The following DLC1 variants were observed in gnomAD, a reference collection of about 807,000 sequenced individuals.
DLC1 encodes rho GTPase-activating protein 7.
In DLC1, 54 loss-of-function variants were observed where a neutral mutation model predicts 140.3. That is an observed-to-expected ratio of 0.38 (90% confidence interval 0.31 to 0.48). The LOEUF is 0.48. Ranked by LOEUF, DLC1 falls within the 20% of genes least tolerant of loss-of-function variation. The pLI, the probability that DLC1 is intolerant of heterozygous loss-of-function variation, is 0.96. For synonymous variants in DLC1, 986 were observed against 728.1 expected, an observed-to-expected ratio of 1.35 and a Z score of -5.70; for missense variants, 2,536 against 1,907.0, an observed-to-expected ratio of 1.33 and a Z score of -6.14.
At chr8:13,450,211 T>C (rs544188789) in intron 2 of DLC1, among the ~76,000 whole-genome samples, 1 of 151,046 alleles carries the variant, frequency 6.6e-6, no homozygotes, top group South Asian at 2.1e-4. Context: ...TCACAGCACT[T>C]TGGGGGGCTG....
chr8:13,517,724 G>A (rs1487213018), upstream of DLC1, among the ~76,000 whole-genome samples: 2 of 152,130 alleles, frequency 1.3e-5, no homozygotes, highest in Non-Finnish European at 2.9e-5. Flanking sequence ...ATCAAATAAG[G>A]GGACAGGGAC....
intron 2 of DLC1, among the ~76,000 whole-genome samples, chr8:13,452,213 A>G (rs1041740113): frequency 7.3e-5 from 11 of 151,204 alleles, no homozygotes; most frequent in African/African-American, 2.7e-4. Context: ...AATTATATAT[A>G]TCTTTATGAA....
intron 5 of DLC1, among the ~76,000 whole-genome samples, chr8:13,238,951 A>G (rs1208432228): frequency 6.6e-6 from 1 of 152,192 alleles, no homozygotes; most frequent in Admixed American, 6.5e-5. Flanking sequence ...GGGAAAGTGC[A>G]CAGTCCCTGG....
chr8:13,393,454 T>C, intron 4 of DLC1, 99 bp downstream of exon 4: 1 of 1,315,960 alleles, frequency 7.6e-7, no homozygotes, highest in South Asian at 1.6e-5. Flanking sequence ...ATGGCTAAGA[T>C]TCCAACAGTA....
chr8:13,506,318 C>CACAT (rs1237281782), intron 1 of DLC1, among the ~76,000 whole-genome samples: 15 of 151,536 alleles, frequency 9.9e-5, no homozygotes, highest in Non-Finnish European at 2.2e-4. Context: ...AATAAATGAA[C>CACAT]ACATGATTGA....
chr8:13,139,757 C>A (rs1333945937), intron 5 of DLC1, among the ~76,000 whole-genome samples: 1 of 152,254 alleles, frequency 6.6e-6, no homozygotes, highest in African/African-American at 2.4e-5. Flanking sequence ...TTACCAAGGA[C>A]AGCTCTGATT....
At chr8:13,579,318 TA>T (rs1804964012) in intron 1 of DLC1, among the ~76,000 whole-genome samples, 60 of 5,468 alleles carry the variant, frequency 0.011, 5 homozygotes, top group African/African-American at 0.03. Flanking sequence ...TCTGACTTTA[TA>T]TATATATATA....
intron 1 of DLC1, among the ~76,000 whole-genome samples, chr8:13,547,989 C>G (rs907682633): frequency 6.6e-6 from 1 of 151,970 alleles, no homozygotes; most frequent in Admixed American, 6.6e-5. Context: ...ACCTATAGTT[C>G]TACATGCATG....
chr8:13,276,225 C>T (rs1408378675), intron 5 of DLC1: 7 of 1,533,558 alleles, frequency 4.6e-6, no homozygotes, highest in African/African-American at 4.1e-5. Context: ...TTTTAATACC[C>T]CTCACCCCCG....
At position 13,094,996 on chromosome 8, in the gene DLC1, G is replaced by A. The variant is rs201289855; in HGVS notation, c.3328-39C>T. 120 of 1,613,890 alleles carry A rather than the reference G, an allele frequency of 7.4e-5. 1 individual carries two copies. The highest frequency in any genetic ancestry group is 4.3e-4 in the South Asian group (39 of 91,032). ...AACACTAAGTGTGGGGTACATTCAC[G>A]TGGACGCAGTGTTTACACCACACAA... On this transcript the variant is annotated intron_variant, in intron 11 of 17. Transcript: ENST00000276297.
chr8:13,320,915 C>G (rs1194312478), intron 4 of DLC1, among the ~76,000 whole-genome samples: 1 of 152,124 alleles, frequency 6.6e-6, no homozygotes, highest in African/African-American at 2.4e-5. Flanking sequence ...CTTTTGCTTC[C>G]TCTCAAGCCA....
At chr8:13,241,471 CT>C (rs1435045475) in intron 5 of DLC1, among the ~76,000 whole-genome samples, 1 of 151,930 alleles carries the variant, frequency 6.6e-6, no homozygotes, top group Non-Finnish European at 1.5e-5. Flanking sequence ...CCCCTTATAC[CT>C]TTTTTATGTG....
chr8:13,500,441 C>CCAT (rs1801761179), intron 1 of DLC1, among the ~76,000 whole-genome samples: 1 of 152,026 alleles, frequency 6.6e-6, no homozygotes, highest in Non-Finnish European at 1.5e-5. Flanking sequence ...TTGGATTGGT[C>CCAT]CATTAATGAA....
intron 5 of DLC1, among the ~76,000 whole-genome samples, chr8:13,160,851 C>A (rs566723209): frequency 2.8e-4 from 43 of 152,230 alleles, no homozygotes; most frequent in African/African-American, 9.9e-4. Context: ...TTTGGGAGGC[C>A]AAGGCGGGAG....
intron 1 of DLC1, among the ~76,000 whole-genome samples, chr8:13,542,226 G>A (rs527545120): frequency 1.1e-4 from 16 of 152,260 alleles, no homozygotes; most frequent in Admixed American, 5.9e-4. Context: ...TCTATTTAGA[G>A]ACTGTCTGTG....
At chr8:13,536,567 T>G (rs935723390) in intron 1 of DLC1, among the ~76,000 whole-genome samples, 2 of 152,112 alleles carry the variant, frequency 1.3e-5, no homozygotes, top group Admixed American at 6.6e-5. Context: ...ATGATTAGAC[T>G]GAGGCTCTGA....
At chr8:13,429,978 A>C (rs2117387314) in intron 2 of DLC1, among the ~76,000 whole-genome samples, 1 of 152,324 alleles carries the variant, frequency 6.6e-6, no homozygotes, top group Non-Finnish European at 1.5e-5. Context: ...GTGGTTCTTA[A>C]CCATGACTAA....
intron 2 of DLC1, among the ~76,000 whole-genome samples, chr8:13,479,838 G>A (rs906115036): frequency 3.2e-4 from 7 of 21,718 alleles, no homozygotes; most frequent in Non-Finnish European, 7.1e-4. Context: ...AGAAGAAGAA[G>A]AAGAAGAAGA....
chr8:13,391,735 C>G (rs538290434), intron 4 of DLC1, among the ~76,000 whole-genome samples: 1 of 152,268 alleles, frequency 6.6e-6, no homozygotes, highest in East Asian at 1.9e-4. Flanking sequence ...AATTATGAGA[C>G]ACTCAGTCAC....
Sources: gnomAD v4.1 joint callset for allele counts (sites outside exome capture counted in the v4.1 genomes callset) on GRCh38, gnomAD v4.1.1 for gene constraint, MANE v1.5 for transcripts, NCBI Gene and HGNC (gene_info 2026-07-23, HGNC 2026-07-21) for gene names.